The following DMD variants were observed in gnomAD, a reference collection of about 807,000 sequenced individuals.
DMD encodes the protein dystrophin.
In DMD, 63 loss-of-function variants were observed where a neutral mutation model predicts 330.1. The observed-to-expected ratio is 0.19, with a 90% confidence interval of 0.16 to 0.24. DMD has a LOEUF of 0.24. Ranked by LOEUF, DMD falls within the 10% of genes least tolerant of loss-of-function variation. DMD has a pLI of 1.00. For missense variants in DMD, 3,344 were observed against 2,684.1 expected, an observed-to-expected ratio of 1.25 and a Z score of -5.43; for synonymous variants, 1,223 against 959.8, an observed-to-expected ratio of 1.27 and a Z score of -5.07.
chrX:31,273,419 T>C (rs1307690160), intron 62 of DMD, among the ~76,000 whole-genome samples: 1 of 112,148 alleles, frequency 8.9e-6, no homozygotes, highest in Non-Finnish European at 1.9e-5. Flanking sequence ...TCATTTTGAG[T>C]CTTTTTAATT....
At chrX:31,570,574 C>T (rs1232419408) in intron 55 of DMD, among the ~76,000 whole-genome samples, 4 of 111,459 alleles carry the variant, frequency 3.6e-5, no homozygotes, top group African/African-American at 1.3e-4. Context: ...ACAGAGAAAA[C>T]ACATTATTAT....
At chrX:32,249,665 A>C (rs1457723021) in intron 43 of DMD, among the ~76,000 whole-genome samples, 1 of 112,079 alleles carries the variant, frequency 8.9e-6, no homozygotes, top group African/African-American at 3.2e-5. Flanking sequence ...CCAAGCTCTT[A>C]ACTGTGTCTG....
At chrX:32,224,533 T>A (rs890254078) in intron 43 of DMD, among the ~76,000 whole-genome samples, 2 of 111,727 alleles carry the variant, frequency 1.8e-5, no homozygotes, top group Non-Finnish European at 3.8e-5. Flanking sequence ...CCAATTTTGA[T>A]CTGCTCACTC....
At chrX:31,936,491 T>G (rs899311788) in intron 45 of DMD, among the ~76,000 whole-genome samples, 1 of 111,956 alleles carries the variant, frequency 8.9e-6, no homozygotes, top group Middle Eastern at 4.2e-3. Flanking sequence ...TGTGTGTACA[T>G]GTTTGTCATT....
chrX:31,742,370 C>T (rs923376131), intron 51 of DMD, among the ~76,000 whole-genome samples: 1 of 112,480 alleles, frequency 8.9e-6, no homozygotes, highest in Non-Finnish European at 1.9e-5. Context: ...TCATTTCTGA[C>T]TTTTGATTTA....
intron 17 of DMD, among the ~76,000 whole-genome samples, chrX:32,519,263 T>TAA (rs201722710): frequency 3.8e-4 from 26 of 69,222 alleles, no homozygotes; most frequent in African/African-American, 9.3e-4. Flanking sequence ...AAGTGGAATC[T>TAA]AAAAAAAAAA....
chrX:31,658,039 G>A lies in DMD; in HGVS notation c.7978C>T (p.His2660Tyr), dbSNP rs757616080. Reference protein sequence around the residue: ...DYSADDTRKVHMITENINASW... With the variant: ...DYSADDTRKVYMITENINASW... The stretch of plus-strand genomic sequence containing the variant: ...GCATTGATATTCTCTGTTATCATGT[G>A]GACTTTTCTGGTATCATCTGCAGAA... The change falls in exon 54 of 79, where the codon CAC (histidine) becomes TAC (tyrosine). Residue 2660 changes from histidine to tyrosine, a missense_variant. Physicochemically the swap from His to Tyr is moderately conservative, Grantham distance 83. Coordinates refer to ENST00000357033, the MANE Select transcript of DMD (RefSeq NM_004006.3). The A allele has an allele frequency of 2.5e-6, 3 of 1,210,273 alleles. No individual in the cohort carries two copies. The highest frequency in any genetic ancestry group is 1.8e-5 in the South Asian group (1 of 56,969).
At chrX:32,097,384 G>T (rs1424066462) in intron 44 of DMD, among the ~76,000 whole-genome samples, 2 of 111,124 alleles carry the variant, frequency 1.8e-5, no homozygotes, top group African/African-American at 6.6e-5. Context: ...GTTTGCTGAG[G>T]ATGATGGCTT....
At chrX:31,242,084 T>C (rs915914768) in intron 63 of DMD, among the ~76,000 whole-genome samples, 2 of 108,057 alleles carry the variant, frequency 1.9e-5, no homozygotes, top group Non-Finnish European at 3.8e-5. Flanking sequence ...GGCAAAACCC[T>C]GTCTCTACCA....
At chrX:32,615,988 T>C (rs2057533274) in intron 11 of DMD, among the ~76,000 whole-genome samples, 1 of 111,239 alleles carries the variant, frequency 9.0e-6, no homozygotes, top group African/African-American at 3.3e-5. Flanking sequence ...GCTATGACAG[T>C]TTCTCAGAAT....
At chrX:32,225,293 G>A (rs1164997777) in intron 43 of DMD, among the ~76,000 whole-genome samples, 1 of 111,781 alleles carries the variant, frequency 8.9e-6, no homozygotes, top group Non-Finnish European at 1.9e-5. Flanking sequence ...ATAAGCAAAT[G>A]GATATGGCTG....
chrX:32,388,028 A>G (rs1180070893), intron 32 of DMD, among the ~76,000 whole-genome samples: 1 of 111,695 alleles, frequency 9.0e-6, no homozygotes, highest in Non-Finnish European at 1.9e-5. Flanking sequence ...TGATTATGGT[A>G]TACACCACAA....
intron 55 of DMD, among the ~76,000 whole-genome samples, chrX:31,540,020 TA>T (rs1315151672): frequency 8.9e-6 from 1 of 112,115 alleles, no homozygotes; most frequent in Non-Finnish European, 1.9e-5. Flanking sequence ...GGAAACAGAA[TA>T]TAGAGATCAA....
chrX:32,453,711 A>G (rs1427964678), intron 26 of DMD, among the ~76,000 whole-genome samples: 1 of 110,901 alleles, frequency 9.0e-6, no homozygotes, highest in Non-Finnish European at 1.9e-5. Context: ...AAACGAAGGA[A>G]TTTGGCTCAG....
intron 2 of DMD, among the ~76,000 whole-genome samples, chrX:33,005,590 T>C (rs73468848): frequency 0.043 from 4,328 of 101,658 alleles, 202 homozygotes; most frequent in African/African-American, 0.14. Flanking sequence ...AGAGAAATAA[T>C]TGTATTTTAT....
chrX:33,130,026 C>A (rs931893534), intron 1 of DMD, among the ~76,000 whole-genome samples: 2 of 111,385 alleles, frequency 1.8e-5, no homozygotes, highest in Admixed American at 9.6e-5. Flanking sequence ...TGTCCTAGCT[C>A]GAGGGCGGCA....
chrX:32,404,556 A>C (rs939694381), intron 30 of DMD, among the ~76,000 whole-genome samples: 16 of 111,534 alleles, frequency 1.4e-4, no homozygotes, highest in African/African-American at 5.2e-4. Flanking sequence ...GCAGTAATTT[A>C]AGCAACAGGG....
intron 30 of DMD, among the ~76,000 whole-genome samples, chrX:32,400,407 G>A (rs1291187565): frequency 9.0e-6 from 1 of 111,400 alleles, no homozygotes; most frequent in Non-Finnish European, 1.9e-5. Flanking sequence ...AAGGATAATG[G>A]TCTAAAATTC....
intron 1 of DMD, among the ~76,000 whole-genome samples, chrX:33,224,108 A>G (rs1252920888): frequency 8.9e-6 from 1 of 112,451 alleles, no homozygotes; most frequent in East Asian, 2.8e-4. Context: ...ATATGGAGTA[A>G]TAGGAACTCT....
Sources: gnomAD v4.1 joint callset for allele counts (sites outside exome capture counted in the v4.1 genomes callset) on GRCh38, gnomAD v4.1.1 for gene constraint, MANE v1.5 for transcripts, NCBI Gene and HGNC (gene_info 2026-07-23, HGNC 2026-07-21) for gene names.